The following ZNF700 variants were observed in gnomAD, a reference collection of about 807,000 sequenced individuals.
ZNF700 encodes the protein zinc finger protein 700.
Under a neutral mutation model 65.3 loss-of-function variants are expected in ZNF700, and 38 were observed. The ratio of observed to expected loss-of-function variants is 0.58; its 90% CI spans 0.45 to 0.76. The LOEUF (loss-of-function observed/expected upper bound fraction) is 0.76, where lower values mean the gene tolerates loss of function less well. Ranked by LOEUF, ZNF700 falls within the 30% of genes least tolerant of loss-of-function variation. The pLI, the probability that ZNF700 is intolerant of heterozygous loss-of-function variation, is 0.00. For synonymous variants in ZNF700, 285 were observed against 290.4 expected, an observed-to-expected ratio of 0.98 and a Z score of 0.19; for missense variants, 857 against 888.4, an observed-to-expected ratio of 0.96 and a Z score of 0.45.
At chr19:11,948,251 A>G (rs768507755) in intron 3 of ZNF700, 25 bp from the exon 4 acceptor site, 12 of 1,605,020 alleles carry the variant, frequency 7.5e-6, no homozygotes, top group Middle Eastern at 1.7e-4. Flanking sequence ...CAAACCCTTC[A>G]TGATGTGTTT....
chr19:11,948,760 G>A lies in ZNF700; in HGVS notation c.736G>A (p.Gly246Arg), dbSNP rs750196950. 3 of 1,611,428 alleles carry A rather than the reference G, an allele frequency of 1.9e-6. No homozygotes were observed. The highest frequency in any genetic ancestry group is 2.5e-6 in the Non-Finnish European group (3 of 1,179,470). The change falls in exon 4 of 4, where the codon GGA becomes AGA. Residue 246 changes from glycine to arginine, a missense_variant. This residue lies in a region of ZNF700 where 603 missense variants were observed against 619.9 expected (regional missense o/e 0.97). Transcript: ENST00000254321. ...LYLIHERTHTGEKPYECKQCG... is the reference protein window; with the variant it reads ...LYLIHERTHTREKPYECKQCG... ...TCTTATCCATGAAAGAACTCACACT[G>A]GAGAGAAACCATATGAATGTAAACA...
At chr19:11,939,496 T>G (rs1972847061) in intron 1 of ZNF700, among the ~76,000 whole-genome samples, 1 of 152,194 alleles carries the variant, frequency 6.6e-6, no homozygotes, top group Non-Finnish European at 1.5e-5. Flanking sequence ...GTTTCCCCAT[T>G]TGTTGTTTTT....
intron 1 of ZNF700, among the ~76,000 whole-genome samples, chr19:11,938,762 A>C (rs1174639693): frequency 3.3e-5 from 5 of 152,190 alleles, no homozygotes; most frequent in Admixed American, 6.5e-5. Flanking sequence ...GGCTGGATCA[A>C]ATGGTATTTC....
intron 1 of ZNF700, among the ~76,000 whole-genome samples, chr19:11,930,077 G>C (rs1004175365): frequency 1.0e-4 from 15 of 148,104 alleles, no homozygotes; most frequent in Non-Finnish European, 1.9e-4. Context: ...GTGCCTAGGG[G>C]AGTGGGGCCT....
intron 1 of ZNF700, among the ~76,000 whole-genome samples, chr19:11,926,327 C>T (rs1972627012): frequency 6.6e-6 from 1 of 152,178 alleles, no homozygotes. Flanking sequence ...TACAGAGGCA[C>T]TCAATTTTCA....
chr19:11,940,982 T>C (rs1400230128), intron 1 of ZNF700, among the ~76,000 whole-genome samples: 4 of 151,840 alleles, frequency 2.6e-5, no homozygotes, highest in South Asian at 2.1e-4. Context: ...TTGAGCTAGA[T>C]ACAGAGTGCC....
At chr19:11,926,331 A>G (rs1255099593) in intron 1 of ZNF700, among the ~76,000 whole-genome samples, 1 of 152,268 alleles carries the variant, frequency 6.6e-6, no homozygotes, top group East Asian at 1.9e-4. Context: ...GAGGCACTCA[A>G]TTTTCAGGGT....
chr19:11,929,309 A>G (rs1234225088), intron 1 of ZNF700, among the ~76,000 whole-genome samples: 1 of 148,014 alleles, frequency 6.8e-6, no homozygotes, highest in Non-Finnish European at 1.5e-5. Context: ...GATTACAGAC[A>G]TGTGCCACCA....
In ZNF700 at chr19:11,948,268, T is replaced by C; in HGVS notation, c.252-8T>C. 6.2e-7 allele frequency: 1 copy of C among 1,610,574 alleles called. No homozygotes were observed. Among genetic ancestry groups the C allele is most frequent in the Admixed American group, 1.7e-5 (1 of 58,748 alleles). ...AACCCTTCATGATGTGTTTCTCATG[T>C]TTTACAGGAGTCTCATAGAAGAGAA... On this transcript the variant is annotated splice_polypyrimidine_tract_variant and splice_region_variant and intron_variant, in intron 3 of 3. Coordinates refer to ENST00000254321, the MANE Select transcript of ZNF700 (RefSeq NM_144566.3).
At chr19:11,945,574 C>T (rs1004876713) in intron 1 of ZNF700, among the ~76,000 whole-genome samples, 13 of 152,126 alleles carry the variant, frequency 8.5e-5, no homozygotes, top group African/African-American at 2.9e-4. Flanking sequence ...GGCTGGGCCC[C>T]AGGCTTAACT....
intron 1 of ZNF700, among the ~76,000 whole-genome samples, chr19:11,929,082 T>C (rs1177203607): frequency 6.7e-6 from 1 of 148,606 alleles, no homozygotes; most frequent in Non-Finnish European, 1.5e-5. Flanking sequence ...GTGAAAGCTG[T>C]GTGTCAGGTC....
intron 1 of ZNF700, among the ~76,000 whole-genome samples, chr19:11,940,758 G>A (rs559725749): frequency 1.5e-3 from 232 of 152,196 alleles, no homozygotes; most frequent in African/African-American, 5.3e-3. Flanking sequence ...TGGTATAGCC[G>A]AGTGGTCTGT....
At chr19:11,925,374 G>T (rs916920820) in intron 1 of ZNF700, 101 bp downstream of exon 1, 4 of 1,549,612 alleles carry the variant, frequency 2.6e-6, no homozygotes, top group Middle Eastern at 4.8e-4. Context: ...GGGCGACTCC[G>T]GGGTCTGGGA....
In ZNF700 at chr19:11,932,315, G is replaced by T. The variant is rs1053389068; in HGVS notation, c.63+7042G>T. Among the ~76,000 whole-genome samples, 12 of 147,150 alleles carry T rather than the reference G, an allele frequency of 8.2e-5. 2 individuals carry two copies. The highest frequency in any genetic ancestry group is 3.2e-4 in the African/African-American group (12 of 37,454). ...GCTATGATTGCACCACTACACTCCA[G>T]CCTGGGTAACAGAACGAGACCCTGT... On this transcript the variant is annotated intron_variant, in intron 1 of 3. Transcript: ENST00000254321.
At chr19:11,937,635 C>A (rs1972818028) in intron 1 of ZNF700, among the ~76,000 whole-genome samples, 1 of 151,758 alleles carries the variant, frequency 6.6e-6, no homozygotes, top group South Asian at 2.1e-4. Context: ...ACTACAGGTG[C>A]CTACCACCAC....
At chr19:11,930,503 G>A (rs1162890046) in intron 1 of ZNF700, among the ~76,000 whole-genome samples, 1 of 148,530 alleles carries the variant, frequency 6.7e-6, no homozygotes, top group Non-Finnish European at 1.5e-5. Context: ...TAATCAAAAT[G>A]CATGCTAAGG....
At chr19:11,941,111 T>C (rs1972875512) in intron 1 of ZNF700, among the ~76,000 whole-genome samples, 2 of 152,304 alleles carry the variant, frequency 1.3e-5, no homozygotes, top group East Asian at 1.9e-4. Context: ...CACAGGGTGC[T>C]GATTGGTGTG....
Position 11,949,835 on chromosome 19 carries a change from C to T in ZNF700, c.1811C>T (p.Ala604Val). ...CKQCGKAFSC[A>V]SNLRKHGRTH... ...CAATGTGGGAAAGCCTTCAGTTGTG[C>T]CTCAAACCTTCGAAAGCATGGTAGG... Residue 604 changes from alanine to valine, a missense_variant, in exon 4 of 4, where the codon GCC becomes GTC. This residue lies in a region of ZNF700 where 251 missense variants were observed against 250.3 expected (regional missense o/e 1.00). Coordinates refer to ENST00000254321, the MANE Select transcript of ZNF700 (RefSeq NM_144566.3). 6.2e-7 allele frequency: 1 copy of T among 1,611,362 alleles called. No individual in the cohort carries two copies. The highest frequency in any genetic ancestry group is 8.5e-7 in the Non-Finnish European group (1 of 1,179,386).
chr19:11,949,458 A>T lies in ZNF700; in HGVS notation c.1434A>T (p.Glu478Asp), dbSNP rs1047341857. 6.2e-7 allele frequency: 1 copy of T among 1,613,010 alleles called. No individual in the cohort carries two copies. Among genetic ancestry groups the T allele is most frequent in the South Asian group, 1.1e-5 (1 of 90,882 alleles). The change falls in exon 4 of 4, where the codon GAA becomes GAT. Residue 478 changes from glutamate (E) to aspartate (D), a missense_variant. Around this residue, in one of 3 missense-constraint regions of ZNF700, gnomAD observed 603 missense variants for 619.9 expected, o/e 0.97. Transcript: ENST00000254321. Reference protein sequence around the residue: ...HTGEKPYECKECGKAFRYVKH... With the variant: ...HTGEKPYECKDCGKAFRYVKH... ...GAGAGAAACCCTATGAATGTAAGGA[A>T]TGTGGGAAAGCCTTCAGATATGTGA...
Sources: gnomAD v4.1 joint callset for allele counts (sites outside exome capture counted in the v4.1 genomes callset) on GRCh38, gnomAD v4.1.1 for gene constraint, gnomAD v4.1.1 regional missense constraint, MANE v1.5 for transcripts, NCBI Gene and HGNC (gene_info 2026-07-23, HGNC 2026-07-21) for gene names.